Variants in STARD13 observed in about 807,000 individuals in gnomAD.
STARD13 encodes the protein stAR-related lipid transfer protein 13.
In STARD13, 62 loss-of-function variants were observed where a neutral mutation model predicts 106.4. The ratio of observed to expected loss-of-function variants is 0.58; its 90% CI spans 0.48 to 0.72. STARD13 has a LOEUF of 0.72. STARD13 is among the 30% of genes least tolerant of loss of function. The pLI, the probability that STARD13 is intolerant of heterozygous loss-of-function variation, is 0.00. For missense variants in STARD13, 1,387 were observed against 1,424.0 expected, an observed-to-expected ratio of 0.97 and a Z score of 0.42; for synonymous variants, 565 against 553.0, an observed-to-expected ratio of 1.02 and a Z score of -0.31.
At chr13:33,310,078 G>C (rs974270634) in intron 1 of STARD13, among the ~76,000 whole-genome samples, 4 of 152,142 alleles carry the variant, frequency 2.6e-5, no homozygotes, top group African/African-American at 9.7e-5. Context: ...CCCAGTGTTT[G>C]GATAGTTAGG....
chr13:33,161,053 A>T (rs1407300816), intron 3 of STARD13, among the ~76,000 whole-genome samples: 1 of 152,240 alleles, frequency 6.6e-6, no homozygotes, highest in Non-Finnish European at 1.5e-5. Context: ...ACCGTAGGAC[A>T]TCCATACAAT....
chr13:33,545,656 G>A, the STARD13 span, among the ~76,000 whole-genome samples: 2 of 152,212 alleles, frequency 1.3e-5, no homozygotes, highest in African/African-American at 4.8e-5. Flanking sequence ...AGGGCTTGAT[G>A]CCCTCCTAGT....
chr13:33,513,255 GC>G, the STARD13 span, among the ~76,000 whole-genome samples: 5 of 152,130 alleles, frequency 3.3e-5, no homozygotes, highest in Non-Finnish European at 7.4e-5. Flanking sequence ...TCCTTGCTCA[GC>G]CCCTCTCTCT....
At chr13:33,121,565 C>T (rs61941366) in intron 7 of STARD13, among the ~76,000 whole-genome samples, 45,623 of 144,884 alleles carry the variant, frequency 0.31, 8,118 homozygotes, top group Non-Finnish European at 0.42. Flanking sequence ...CAGACTCCAC[C>T]TCAAAAAAAA....
intron 1 of STARD13, among the ~76,000 whole-genome samples, chr13:33,197,789 G>A (rs918963811): frequency 6.6e-6 from 1 of 152,192 alleles, no homozygotes; most frequent in African/African-American, 2.4e-5. Context: ...CATTGCCACT[G>A]AATTTCCATC....
At position 33,104,532 on chromosome 13, in the gene STARD13, G is replaced by A. The variant is rs1873459586; in HGVS notation, c.*1061C>T. ...AGCTGTAACGATCTAGGATTTGAAC[G>A]GAATGGCCATCATCTCCCTTTGTAT... On this transcript the variant is annotated 3_prime_UTR_variant, in exon 14 of 14. Transcript: ENST00000336934. 6.6e-6 allele frequency: 1 copy of A among 152,636 alleles called. No individual in the cohort carries two copies. The highest frequency in any genetic ancestry group is 2.4e-5 in the African/African-American group (1 of 41,550). 9.5% of individuals were successfully genotyped at this position (152,636 alleles called of 1,614,324 possible). A position where few individuals can be genotyped will look rare whatever the true frequency, so the allele number is the denominator to read the frequency against.
chr13:33,142,333 C>G lies in STARD13; in HGVS notation c.364G>C (p.Asp122His). The G allele has an allele frequency of 6.2e-7, 1 of 1,614,022 alleles. No individual in the cohort carries two copies. The change falls in exon 4 of 14, where the codon GAT becomes CAT. Residue 122 changes from aspartate to histidine, a missense_variant. By Grantham distance (81) the Asp-to-His change is moderately conservative. Transcript: ENST00000336934. ...TLNKCASMKL[D>H]VNFQRKKGDD... ...ACCTTTTTCCTTTGGAAGTTCACAT[C>G]AAGTTTCATTGAGGCACACTTGTTC...
chr13:33,221,080 T>TA (rs201348027), intron 1 of STARD13, among the ~76,000 whole-genome samples: 2 of 151,448 alleles, frequency 1.3e-5, no homozygotes, highest in African/African-American at 4.9e-5. Context: ...GTCATCAACT[T>TA]AAAAAAAAAT....
the STARD13 span, among the ~76,000 whole-genome samples, chr13:33,587,959 C>T: frequency 6.6e-6 from 1 of 152,122 alleles, no homozygotes; most frequent in Admixed American, 6.5e-5. Flanking sequence ...ATCAACGTCT[C>T]CTTTTTTACC....
the STARD13 span, among the ~76,000 whole-genome samples, chr13:33,597,854 C>CAA: frequency 9.9e-4 from 131 of 132,372 alleles, no homozygotes; most frequent in African/African-American, 3.4e-3. Context: ...AACTCCGTCT[C>CAA]AAAAAAAAAA....
At chr13:33,401,891 A>G in the STARD13 span, among the ~76,000 whole-genome samples, 2 of 152,202 alleles carry the variant, frequency 1.3e-5, no homozygotes, top group Admixed American at 1.3e-4. Flanking sequence ...GTTCCAACAC[A>G]TCAAAGTATT....
rs750292066 is a variant in STARD13 at position 33,110,791 on chromosome 13, A to T, written c.2724T>A (p.Thr908=). 6.2e-7 allele frequency: 1 copy of T among 1,614,168 alleles called. No individual in the cohort carries two copies. Among genetic ancestry groups the T allele is most frequent in the Non-Finnish European group, 8.5e-7 (1 of 1,180,022 alleles). ...QLEESGATFH[T]YLNHLIQGLQ... ...GGCCCTGGATGAGATGGTTCAGGTA[A>T]GTGTGGAAAGTTGCCCCACTCTCCT... Residue 908 remains threonine (T), a synonymous_variant, in exon 11 of 14, where the codon ACT becomes ACA. Transcript: ENST00000336934.
intron 4 of STARD13, among the ~76,000 whole-genome samples, chr13:33,136,121 A>C (rs1012903843): frequency 1.1e-4 from 7 of 65,466 alleles, no homozygotes; most frequent in Non-Finnish European, 2.2e-4. Context: ...ACTCTACCTC[A>C]AAAAAAAAAA....
At chr13:33,633,853 A>G in the STARD13 span, among the ~76,000 whole-genome samples, 1 of 152,196 alleles carries the variant, frequency 6.6e-6, no homozygotes, top group African/African-American at 2.4e-5. Flanking sequence ...ATGAGTAGGC[A>G]CAGTGGAGGG....
the STARD13 span, among the ~76,000 whole-genome samples, chr13:33,392,535 G>A: frequency 6.6e-6 from 1 of 152,088 alleles, no homozygotes; most frequent in African/African-American, 2.4e-5. Context: ...AAGTAGCTGG[G>A]ACTACAGGCA....
intron 1 of STARD13, among the ~76,000 whole-genome samples, chr13:33,322,337 C>G (rs1348494483): frequency 6.6e-6 from 1 of 152,226 alleles, no homozygotes; most frequent in Non-Finnish European, 1.5e-5. Flanking sequence ...ATCAGTAAAT[C>G]TTGTCCTACA....
the STARD13 span, among the ~76,000 whole-genome samples, chr13:33,378,265 G>T: frequency 6.6e-6 from 1 of 152,110 alleles, no homozygotes; most frequent in Non-Finnish European, 1.5e-5. Context: ...CCAAGGCCAG[G>T]CTGAACGTCC....
chr13:33,317,105 C>T (rs930392039), intron 1 of STARD13, among the ~76,000 whole-genome samples: 3 of 152,146 alleles, frequency 2.0e-5, no homozygotes, highest in Non-Finnish European at 4.4e-5. Flanking sequence ...GTCCTCCTCT[C>T]TTCTCTGTAT....
At chr13:33,602,445 G>A in the STARD13 span, among the ~76,000 whole-genome samples, 2 of 152,132 alleles carry the variant, frequency 1.3e-5, no homozygotes, top group African/African-American at 2.4e-5. Context: ...GACTGAAAAA[G>A]GTTCAAAAGC....
Sources: gnomAD v4.1 joint callset for allele counts (sites outside exome capture counted in the v4.1 genomes callset) on GRCh38, gnomAD v4.1.1 for gene constraint, MANE v1.5 for transcripts, NCBI Gene and HGNC (gene_info 2026-07-23, HGNC 2026-07-21) for gene names.